Variants in SCRN1 observed in about 807,000 individuals in gnomAD.
SCRN1 encodes the protein secernin-1.
Under a neutral mutation model 43.3 loss-of-function variants are expected in SCRN1, and 19 were observed. That is an observed-to-expected ratio of 0.44 (90% CI 0.31 to 0.64). SCRN1 has a LOEUF of 0.64. Among genes scored for constraint, SCRN1 ranks in the 30% least tolerant of loss-of-function variants. The pLI, the probability that SCRN1 is intolerant of heterozygous loss-of-function variation, is 0.09. For synonymous variants in SCRN1, 183 were observed against 188.9 expected (o/e 0.97, Z 0.26); for missense variants, 447 against 524.1 (o/e 0.85, Z 1.44).
intron 6 of SCRN1, among the ~76,000 whole-genome samples, chr7:29,930,633 T>C (rs1787127027): frequency 6.6e-6 from 1 of 152,204 alleles, no homozygotes; most frequent in African/African-American, 2.4e-5. Flanking sequence ...ATGGCTTGGA[T>C]GCAGAACACA....
rs1009171497 is a variant in SCRN1 at position 29,920,273 on chromosome 7, T to A, written c.*3684A>T. 11 of 152,456 alleles carry A rather than the reference T, an allele frequency of 7.2e-5. No individual in the cohort carries two copies. Among genetic ancestry groups the A allele is most frequent in the Non-Finnish European group, 1.0e-4 (7 of 68,032 alleles). 9.4% of individuals were successfully genotyped at this position (152,456 alleles called of 1,614,324 possible). On this transcript the variant is annotated 3_prime_UTR_variant, in exon 8 of 8. Transcript: ENST00000242059. The stretch of plus-strand genomic sequence containing the variant: ...AAACAGAATGATTTTCTTTTTTTTT[T>A]ATTATTATTCCCTGCCAATAGCATT...
At chr7:29,930,117 T>C (rs1787109226) in intron 6 of SCRN1, among the ~76,000 whole-genome samples, 1 of 152,196 alleles carries the variant, frequency 6.6e-6, no homozygotes, top group Non-Finnish European at 1.5e-5. Context: ...ATAAAAAATA[T>C]AAAGCCTAAA....
chr7:29,986,717 ATTTTTTTTT>A (rs553845779), intron 1 of SCRN1, among the ~76,000 whole-genome samples: 3 of 99,852 alleles, frequency 3.0e-5, no homozygotes, highest in South Asian at 3.1e-4. Context: ...AATTTTTTTA[ATTTTTTTTT>A]TTTTTTTTTT....
At chr7:29,924,855 A>G (rs1029454277) in intron 7 of SCRN1, among the ~76,000 whole-genome samples, 4 of 152,192 alleles carry the variant, frequency 2.6e-5, no homozygotes, top group Non-Finnish European at 4.4e-5. Flanking sequence ...CATTTGCCCC[A>G]TGAGTCCCAG....
chr7:29,928,034 A>G (rs1787027329), intron 6 of SCRN1, among the ~76,000 whole-genome samples: 1 of 152,172 alleles, frequency 6.6e-6, no homozygotes, highest in African/African-American at 2.4e-5. Context: ...GAGGTGGAAG[A>G]GTCGCTGGAA....
intron 6 of SCRN1, among the ~76,000 whole-genome samples, chr7:29,931,570 C>G: frequency 6.6e-6 from 1 of 152,202 alleles, no homozygotes; most frequent in East Asian, 1.9e-4. Flanking sequence ...TTTCCATACA[C>G]CTTATACTGC....
At chr7:29,944,420 C>T (rs1219306630) in intron 3 of SCRN1, among the ~76,000 whole-genome samples, 1 of 152,118 alleles carries the variant, frequency 6.6e-6, no homozygotes, top group African/African-American at 2.4e-5. Flanking sequence ...ATAATCCTAG[C>T]ACTTTGGGAG....
chr7:29,929,944 G>A (rs1446444598), intron 6 of SCRN1, among the ~76,000 whole-genome samples: 2 of 152,290 alleles, frequency 1.3e-5, no homozygotes, highest in East Asian at 3.9e-4. Context: ...ATCAATGAGG[G>A]TGTCTGGTGC....
In SCRN1 at chr7:29,965,955, T is replaced by C. The variant is rs1176940133; in HGVS notation, c.159+2954A>G. ...GTGTGATTTTTGAAGTTAGTATGGC[T>C]ACTTAACAAATTACCCCAAAATTTA... is the stretch of plus-strand genomic sequence containing the variant. On this transcript the variant is annotated intron_variant, in intron 2 of 7. Coordinates refer to ENST00000242059, the MANE Select transcript of SCRN1 (RefSeq NM_014766.5). The surrounding 1 kb of genome is among the most constrained non-coding windows in gnomAD (Gnocchi z 4.2). Among the ~76,000 whole-genome samples the C allele has an allele frequency of 6.6e-6, 1 of 152,106 alleles. No homozygotes were observed. The highest frequency in any genetic ancestry group is 1.5e-5 in the Non-Finnish European group (1 of 68,034).
intron 6 of SCRN1, among the ~76,000 whole-genome samples, chr7:29,931,347 G>A (rs1247768544): frequency 1.3e-5 from 2 of 152,186 alleles, no homozygotes; most frequent in Non-Finnish European, 2.9e-5. Flanking sequence ...CTGAGTACCA[G>A]ATGCTGTTCT....
At chr7:29,924,150 A>G (rs1367806764) in intron 7 of SCRN1, 35 bp from the exon 8 acceptor site, 1 of 1,589,234 alleles carries the variant, frequency 6.3e-7, no homozygotes, top group Non-Finnish European at 8.5e-7. Flanking sequence ...GGTGTCAGCA[A>G]AATAGCAGGG....
chr7:29,936,653 C>G lies in SCRN1; in HGVS notation c.808G>C (p.Glu270Gln). 1 of 1,607,902 alleles carries G rather than the reference C, an allele frequency of 6.2e-7. No individual in the cohort carries two copies. Among genetic ancestry groups the G allele is most frequent in the Middle Eastern group, 1.7e-4 (1 of 6,038 alleles). ...CCACTGGCTGTGGTGAGGAAAAACT[C>G]AGAGTCTATGCACACTCCGCTGGCT... ...DKASGVCIDS[E>Q]FFLTTASGVS... Residue 270 changes from glutamate to glutamine, a missense_variant, in exon 6 of 8, where the codon GAG becomes CAG. Physicochemically the swap from Glu to Gln is conservative, Grantham distance 29. Coordinates refer to ENST00000242059, the MANE Select transcript of SCRN1 (RefSeq NM_014766.5).
intron 7 of SCRN1, among the ~76,000 whole-genome samples, chr7:29,924,333 A>C (rs1406766677): frequency 6.6e-6 from 1 of 152,290 alleles, no homozygotes; most frequent in South Asian, 2.1e-4. Context: ...TGCTGCCTTC[A>C]GGACAAAGCC....
At chr7:29,941,038 T>C (rs561246705) in intron 4 of SCRN1, among the ~76,000 whole-genome samples, 162 bp from the exon 5 acceptor site, 5 of 152,362 alleles carry the variant, frequency 3.3e-5, no homozygotes, top group Admixed American at 2.0e-4. Context: ...TTGAGTCTCT[T>C]TCTAGGAGAC....
rs1189435290 is a variant in SCRN1 at position 29,984,966 on chromosome 7, T to A, written c.-2+4676A>T. On this transcript the variant is annotated intron_variant, in intron 1 of 7. Transcript: ENST00000242059. The stretch of plus-strand genomic sequence containing the variant: ...AAATTAAAATAAGGAGCCAATTAAA[T>A]ATATAAGGTGAACAAAGATTTAAAA... Among the ~76,000 whole-genome samples the A allele has an allele frequency of 8.5e-5, 12 of 141,342 alleles. 2 individuals are homozygous for A. The highest frequency in any genetic ancestry group is 1.7e-4 in the Non-Finnish European group (11 of 64,540). 92.7% of individuals were successfully genotyped at this position (141,342 alleles called of 152,430 possible).
At chr7:29,926,894 C>T (rs959493718) in intron 6 of SCRN1, among the ~76,000 whole-genome samples, 9 of 152,040 alleles carry the variant, frequency 5.9e-5, no homozygotes, top group African/African-American at 2.2e-4. Context: ...TTGTTCTGAA[C>T]CATTTGAGAG....
chr7:29,986,011 G>T (rs2127934808), intron 1 of SCRN1, among the ~76,000 whole-genome samples: 1 of 152,348 alleles, frequency 6.6e-6, no homozygotes, highest in Middle Eastern at 3.4e-3. Flanking sequence ...GAGGCGGGCA[G>T]ATCACCTGAG....
intron 6 of SCRN1, among the ~76,000 whole-genome samples, chr7:29,935,591 A>C (rs1787297601): frequency 6.6e-6 from 1 of 152,218 alleles, no homozygotes; most frequent in African/African-American, 2.4e-5. Flanking sequence ...TCCACCTCAA[A>C]GATTCTGATA....
chr7:29,989,390 A>G (rs1012662413), intron 1 of SCRN1, among the ~76,000 whole-genome samples: 3 of 151,938 alleles, frequency 2.0e-5, no homozygotes, highest in African/African-American at 7.3e-5. Context: ...CGGGGCCGGC[A>G]TCCCTCCACT....
Sources: allele counts gnomAD v4.1 joint callset (sites outside exome capture counted in the v4.1 genomes callset), GRCh38; gene constraint gnomAD v4.1.1; non-coding constraint Gnocchi (gnomAD v3.1); transcripts MANE v1.5; gene names NCBI Gene and HGNC (gene_info 2026-07-23, HGNC 2026-07-21).